Variants in MAML1 observed in about 807,000 individuals in gnomAD.
The protein encoded by MAML1 is mastermind-like protein 1.
MAML1 carries 14 observed loss-of-function variants against 77.1 expected under a neutral mutation model. The observed-to-expected ratio is 0.18, with a 90% CI of 0.12 to 0.28. The LOEUF is 0.28. Among genes scored for constraint, MAML1 ranks in the 10% least tolerant of loss-of-function variants. MAML1 has a pLI of 1.00. For synonymous variants in MAML1, 516 were observed against 551.9 expected (o/e 0.93, Z 0.91); for missense variants, 1,217 against 1,327.8 (o/e 0.92, Z 1.30).
intron 1 of MAML1, among the ~76,000 whole-genome samples, chr5:179,758,953 G>A (rs956209838): frequency 2.6e-5 from 4 of 151,824 alleles, no homozygotes; most frequent in African/African-American, 4.8e-5. Context: ...AGCTGAGATC[G>A]TGCCACTGCA....
chr5:179,773,252 C>T (rs891830304), intron 4 of MAML1, among the ~76,000 whole-genome samples: 1 of 152,256 alleles, frequency 6.6e-6, no homozygotes, highest in African/African-American at 2.4e-5. Context: ...TCCATTTTAT[C>T]TCTAACCAGC....
Position 179,765,776 on chromosome 5 carries a change from G to A in MAML1, c.766G>A (p.Glu256Lys). ...CGAGCAGGAGTGGAAGGAGCTCATC[G>A]AGGAGCTGAACAGGTCGGTGCCCGA... is the stretch of plus-strand genomic sequence containing the variant. ...LNEQEWKELIEELNRSVPDED... is the reference protein window; with the variant it reads ...LNEQEWKELIKELNRSVPDED... Residue 256 changes from glutamate to lysine, a missense_variant, in exon 2 of 5, where the codon GAG becomes AAG. Glu to Lys is a moderately conservative substitution (Grantham distance 56, BLOSUM62 1). Transcript: ENST00000292599. 6.2e-7 allele frequency: 1 copy of A among 1,614,100 alleles called. No homozygotes were observed. The highest frequency in any genetic ancestry group is 1.1e-5 in the South Asian group (1 of 91,072).
Position 179,774,827 on chromosome 5 carries a change from A to G in MAML1, c.3001A>G (p.Thr1001Ala), listed in dbSNP as rs1422828207. The change falls in exon 5 of 5, where the codon ACT becomes GCT. Residue 1001 changes from threonine (T) to alanine (A), a missense_variant. Around this residue, in one of 3 missense-constraint regions of MAML1, gnomAD observed 884 missense variants for 949.3 expected, o/e 0.93. Transcript: ENST00000292599. ...DLIDSLLKNR[T>A]SEEWMSDLDD... ...GATCGACTCCCTGCTGAAGAACAGG[A>G]CTTCAGAGGAGTGGATGAGTGATTT... 4.3e-6 allele frequency: 7 copies of G among 1,613,714 alleles called. No individual in the cohort carries two copies. In the Admixed American group the frequency reaches 1.2e-4, roughly 27 times the overall value.
At chr5:179,773,573 G>A (rs773660125) in intron 4 of MAML1, among the ~76,000 whole-genome samples, 2 of 152,272 alleles carry the variant, frequency 1.3e-5, no homozygotes, top group South Asian at 2.1e-4. Flanking sequence ...CGGATCTTGC[G>A]TTGGGTCCAC....
intron 1 of MAML1, among the ~76,000 whole-genome samples, chr5:179,752,348 A>T (rs202094299): frequency 0.46 from 34,594 of 75,338 alleles, 8,837 homozygotes; most frequent in South Asian, 0.64. Flanking sequence ...AAAAAAAAAA[A>T]AAATATATAT....
intron 1 of MAML1, among the ~76,000 whole-genome samples, chr5:179,736,515 T>C (rs1779174347): frequency 6.6e-6 from 1 of 152,024 alleles, no homozygotes; most frequent in Admixed American, 6.6e-5. Flanking sequence ...CCTCCCAAAG[T>C]GCTGGGATTA....
chr5:179,755,683 A>G lies in MAML1; in HGVS notation c.316-9643A>G, dbSNP rs182668346. Among the ~76,000 whole-genome samples the G allele has an allele frequency of 4.0e-5, 6 of 150,876 alleles. No individual in the cohort carries two copies. In the East Asian group the frequency reaches 5.8e-4, roughly 15 times the overall value. On this transcript the variant is annotated intron_variant, in intron 1 of 4. Coordinates refer to ENST00000292599, the MANE Select transcript of MAML1 (RefSeq NM_014757.5). The stretch of plus-strand genomic sequence containing the variant: ...AATTCATAAACTTTCTTAAAACACT[A>G]TGAGATTTATGCATGGACCTTTTTT...
rs1755921954 is a variant in MAML1, at chr5:179,769,327, G to A, written c.1971+238G>A. 6.6e-6 allele frequency among the ~76,000 whole-genome samples: 1 copy of A among 152,108 alleles called. No homozygotes were observed. On this transcript the variant is annotated intron_variant, in intron 3 of 4. Coordinates refer to ENST00000292599, the MANE Select transcript of MAML1 (RefSeq NM_014757.5). The surrounding 1 kb of genome is among the most constrained non-coding windows in gnomAD (Gnocchi z 4.2). Reference sequence around the variant, plus strand: ...GGAGAGTACTCAAGGCAGACTCGGGGGCTAAAACTGTTTGTGGAAGGGACA... The same window carrying A: ...GGAGAGTACTCAAGGCAGACTCGGGAGCTAAAACTGTTTGTGGAAGGGACA...
chr5:179,760,947 TAGCCGGGCGTGG>T (rs1187861302), intron 1 of MAML1, among the ~76,000 whole-genome samples: 3 of 151,820 alleles, frequency 2.0e-5, no homozygotes, highest in Admixed American at 6.6e-5. Context: ...AAAACAAAGT[TAGCCGGGCGTGG>T]TGGCAGGCGC....
chr5:179,774,873 A>C lies in MAML1; in HGVS notation c.3047A>C (p.Gln1016Pro), dbSNP rs1756100232. The C allele has an allele frequency of 6.3e-7, 1 of 1,598,726 alleles. No homozygotes were observed. The highest frequency in any genetic ancestry group is 1.3e-5 in the African/African-American group (1 of 74,510). Residue 1016 changes from glutamine (Q) to proline (P), a missense_variant, in exon 5 of 5, where the codon CAG becomes CCG. By Grantham distance (76) the Gln-to-Pro change is moderately conservative. Transcript: ENST00000292599. ...GATTTGGACGACCTGTTAGGGTCTC[A>C]GTAATGGAAGGATTTGTAGTGTTTT... ...MSDLDDLLGS[Q>P]
At chr5:179,735,231 G>T (rs920078164) in intron 1 of MAML1, among the ~76,000 whole-genome samples, 17 of 152,044 alleles carry the variant, frequency 1.1e-4, no homozygotes, top group African/African-American at 4.1e-4. Context: ...CCGCCTGTGG[G>T]ACCCTCCTCC....
At chr5:179,746,109 C>T (rs1413501679) in intron 1 of MAML1, among the ~76,000 whole-genome samples, 1 of 151,102 alleles carries the variant, frequency 6.6e-6, no homozygotes, top group Non-Finnish European at 1.5e-5. Context: ...TCTGGGAGGC[C>T]GAGGCAGGTG....
In MAML1 at chr5:179,769,140, C is replaced by A. The variant is rs750649902; in HGVS notation, c.1971+51C>A. Reference sequence around the variant, plus strand: ...ACCGCTTCCCACCTTTGCCTGCACCCTGCGTCACTGCTACAGTCACACCTT... The same window carrying A: ...ACCGCTTCCCACCTTTGCCTGCACCATGCGTCACTGCTACAGTCACACCTT... On this transcript the variant is annotated intron_variant, in intron 3 of 4. Coordinates refer to ENST00000292599, the MANE Select transcript of MAML1 (RefSeq NM_014757.5). The surrounding 1 kb of genome is among the most constrained non-coding windows in gnomAD (Gnocchi z 4.2). 1.2e-6 allele frequency: 2 copies of A among 1,602,678 alleles called. No individual in the cohort carries two copies. The highest frequency in any genetic ancestry group is 1.7e-6 in the Non-Finnish European group (2 of 1,173,546).
At position 179,766,073 on chromosome 5, in the gene MAML1, C is replaced by T. The variant is rs1448994943; in HGVS notation, c.1063C>T (p.Arg355Trp). 10 of 1,587,384 alleles carry T rather than the reference C, an allele frequency of 6.3e-6. No individual in the cohort carries two copies. Among genetic ancestry groups the T allele is most frequent in the Admixed American group, 1.8e-5 (1 of 55,610 alleles). Residue 355 changes from arginine (R) to tryptophan (W), a missense_variant, in exon 2 of 5, where the codon CGG (arginine) becomes TGG (tryptophan). Transcript: ENST00000292599. This position sits in a 1 kb window ranked among gnomAD's most constrained non-coding sequence, Gnocchi z 4.0. ...QTLFHTSGQPRADNPSPNLMP... is the reference protein window; with the variant it reads ...QTLFHTSGQPWADNPSPNLMP... ...CTTATTCCACACCTCTGGTCAGCCC[C>T]GGGCGGACAATCCCAGTCCAAACCT...
chr5:179,748,592 C>G (rs1441147839), intron 1 of MAML1, among the ~76,000 whole-genome samples: 4 of 152,124 alleles, frequency 2.6e-5, no homozygotes, highest in Non-Finnish European at 4.4e-5. Context: ...ATAGGAATTA[C>G]AGGAAGAGAG....
At chr5:179,753,661 T>A (rs1345609746) in intron 1 of MAML1, among the ~76,000 whole-genome samples, 8,119 of 135,296 alleles carry the variant, frequency 0.06, 386 homozygotes, top group African/African-American at 0.13. Context: ...ATTATTTTTT[T>A]TTTTTTTTTT....
chr5:179,753,216 T>C (rs1240426089), intron 1 of MAML1, among the ~76,000 whole-genome samples: 5 of 79,650 alleles, frequency 6.3e-5, no homozygotes, highest in Admixed American at 1.5e-4. Flanking sequence ...TGTGTGTGTG[T>C]GTGTGTGCGC....
chr5:179,752,500 C>T (rs1394609898), intron 1 of MAML1, among the ~76,000 whole-genome samples: 2 of 91,812 alleles, frequency 2.2e-5, no homozygotes, highest in African/African-American at 6.5e-5. Context: ...GTGCTACTAG[C>T]AAATTTTGCC....
At chr5:179,753,213 G>A (rs1400930552) in intron 1 of MAML1, among the ~76,000 whole-genome samples, 3 of 114,506 alleles carry the variant, frequency 2.6e-5, no homozygotes, top group African/African-American at 9.6e-5. Flanking sequence ...GTGTGTGTGT[G>A]TGTGTGTGTG....
Sources: allele counts gnomAD v4.1 joint callset (sites outside exome capture counted in the v4.1 genomes callset), GRCh38; gene constraint gnomAD v4.1.1; regional missense constraint gnomAD v4.1.1; non-coding constraint Gnocchi (gnomAD v3.1); transcripts MANE v1.5; gene names NCBI Gene and HGNC (gene_info 2026-07-23, HGNC 2026-07-21).